The following SP100 variants were observed in gnomAD, a reference collection of about 807,000 sequenced individuals.
SP100 encodes the protein nuclear autoantigen Sp-100.
Under a neutral mutation model 130.0 loss-of-function variants are expected in SP100, and 84 were observed. The ratio of observed to expected loss-of-function variants is 0.65; its 90% CI spans 0.54 to 0.77. The LOEUF (loss-of-function observed/expected upper bound fraction) is 0.77. SP100 is among the 30% of genes least tolerant of loss of function. The pLI, the probability that SP100 is intolerant of heterozygous loss-of-function variation, is 0.00. For synonymous variants in SP100, 331 were observed against 351.7 expected, an observed-to-expected ratio of 0.94 and a Z score of 0.66; for missense variants, 978 against 1,052.2, an observed-to-expected ratio of 0.93 and a Z score of 0.97.
At position 230,417,777 on chromosome 2, in the gene SP100, T is replaced by C. The variant is rs2062652661; in HGVS notation, c.107+112T>C. 7.6e-6 allele frequency: 11 copies of C among 1,448,944 alleles called. No homozygotes were observed. The South Asian group carries it at 1.0e-4, about 14-fold the overall frequency. 89.8% of individuals were successfully genotyped at this position (1,448,944 alleles called of 1,614,324 possible). On this transcript the variant is annotated intron_variant, in intron 2 of 28. Coordinates refer to ENST00000340126, the MANE Select transcript of SP100 (RefSeq NM_001080391.2). Reference sequence around the variant, plus strand: ...TTAAATTCCCTCTTCTATAAATTGCTTGTTTGTTTTTTGCCAATATGATTC... The same window carrying C: ...TTAAATTCCCTCTTCTATAAATTGCCTGTTTGTTTTTTGCCAATATGATTC...
In SP100 at chr2:230,460,015, T is replaced by A. The variant is rs1452636496; in HGVS notation, c.821-1247T>A. 5.3e-5 allele frequency among the ~76,000 whole-genome samples: 8 copies of A among 152,168 alleles called. No homozygotes were observed. In the East Asian group the frequency reaches 1.5e-3, roughly 29 times the overall value. ...ACATTCCCACCACACTAAGCTTCCT[T>A]TACTTACTGGAATTTGCCAAGCTCT... is the stretch of plus-strand genomic sequence containing the variant. On this transcript the variant is annotated intron_variant, in intron 8 of 28. Coordinates refer to ENST00000340126, the MANE Select transcript of SP100 (RefSeq NM_001080391.2).
chr2:230,429,268 T>A (rs79652793), intron 2 of SP100, among the ~76,000 whole-genome samples: 1 of 152,152 alleles, frequency 6.6e-6, no homozygotes, highest in African/African-American at 2.4e-5. Context: ...ATTTTGAACA[T>A]ATCACCCTAA....
At chr2:230,447,673 G>A (rs1487061008) in intron 5 of SP100, among the ~76,000 whole-genome samples, 1 of 152,188 alleles carries the variant, frequency 6.6e-6, no homozygotes, top group Non-Finnish European at 1.5e-5. Context: ...GTGGGGAAGG[G>A]CACAGAGCTT....
At position 230,523,437 on chromosome 2, in the gene SP100, C is replaced by CA. The variant is rs887573820; in HGVS notation, c.2094+12272dup. ...ATTCCAGCACTTTGGGAGGCCAAGG[C>CA]AGGTGGATCACTTGAGTTTAGACGT... On this transcript the variant is annotated intron_variant, in intron 24 of 28. Transcript: ENST00000340126. Among the ~76,000 whole-genome samples the CA allele has an allele frequency of 2.6e-5, 4 of 152,280 alleles. No individual in the cohort carries two copies. The East Asian group carries it at 7.7e-4, about 29-fold the overall frequency.
At chr2:230,473,523 G>A (rs2065378789) in intron 16 of SP100, 83 bp downstream of exon 16, 1 of 772,278 alleles carries the variant, frequency 1.3e-6, no homozygotes, top group Non-Finnish European at 2.2e-6. Flanking sequence ...AGTGATCAGA[G>A]TTGAAGCAAA....
intron 2 of SP100, among the ~76,000 whole-genome samples, chr2:230,434,919 G>A (rs1013259236): frequency 6.6e-6 from 1 of 152,232 alleles, no homozygotes; most frequent in African/African-American, 2.4e-5. Context: ...CCTTTGAACA[G>A]TGTAAGGATC....
At chr2:230,419,330 C>A (rs1384384090) in intron 2 of SP100, among the ~76,000 whole-genome samples, 1 of 152,192 alleles carries the variant, frequency 6.6e-6, no homozygotes, top group Non-Finnish European at 1.5e-5. Flanking sequence ...CTCCATCCTG[C>A]CCAGGATGTG....
rs559512854 is a variant in SP100 at position 230,419,951 on chromosome 2, G to A, written c.107+2286G>A. 2.0e-4 allele frequency among the ~76,000 whole-genome samples: 31 copies of A among 152,170 alleles called. 1 individual carries two copies. In the South Asian group the frequency reaches 5.2e-3, roughly 25 times the overall value. On this transcript the variant is annotated intron_variant, in intron 2 of 28. Transcript: ENST00000340126. Reference sequence around the variant, plus strand: ...TGTTTTAGTTACTATGATTTTATAGGTAGTGTTCTGTAACCTACCTTACTG... The same window carrying A: ...TGTTTTAGTTACTATGATTTTATAGATAGTGTTCTGTAACCTACCTTACTG...
chr2:230,430,625 A>T (rs2063070102), intron 2 of SP100, among the ~76,000 whole-genome samples: 1 of 152,206 alleles, frequency 6.6e-6, no homozygotes, highest in Non-Finnish European at 1.5e-5. Context: ...CACAGTTCAG[A>T]AGTGTCACTG....
Position 230,466,349 on chromosome 2 carries a change from A to G in SP100, c.1190A>G (p.Lys397Arg), listed in dbSNP as rs771616605. ...TCTACATTCAGAGAAAGTTTTAAGA[A>G]AAGAGGTAAGAGAAAGCTTTAGGAA... ...KLSTFRESFK[K>R]RVIGQDHDFS... The change falls in exon 12 of 29, where the codon AAA becomes AGA. Residue 397 changes from lysine (K) to arginine (R), a missense_variant. Transcript: ENST00000340126. 4.5e-6 allele frequency: 7 copies of G among 1,542,382 alleles called. No homozygotes were observed. In the African/African-American group the frequency reaches 8.2e-5, roughly 18 times the overall value.
At chr2:230,506,249 G>C in intron 21 of SP100, 54 bp from the exon 22 acceptor site, 2 of 1,599,922 alleles carry the variant, frequency 1.3e-6, no homozygotes, top group Non-Finnish European at 1.7e-6. Flanking sequence ...ATGGGGGGAG[G>C]CCAAGTTCAG....
intron 10 of SP100, 34 bp downstream of exon 10, chr2:230,462,552 T>C: frequency 6.6e-7 from 1 of 1,504,114 alleles, no homozygotes; most frequent in East Asian, 2.3e-5. Context: ...GCTTGGGCTG[T>C]GGGAATCTGA....
chr2:230,448,588 A>T (rs1195043221), intron 5 of SP100, among the ~76,000 whole-genome samples: 1 of 152,236 alleles, frequency 6.6e-6, no homozygotes, highest in Non-Finnish European at 1.5e-5. Flanking sequence ...AAATATTTGC[A>T]GACAAAAAGA....
chr2:230,493,448 C>T (rs2066496783), intron 17 of SP100, among the ~76,000 whole-genome samples: 2 of 152,182 alleles, frequency 1.3e-5, no homozygotes, highest in Non-Finnish European at 1.5e-5. Flanking sequence ...AACTCCTGAG[C>T]TCAGGTGATC....
In SP100 at chr2:230,542,765, G is replaced by T. The variant is rs1692228106; in HGVS notation, c.2548-71G>T. ...TGGGATAACCTAAAATGAGGCCCCA[G>T]ATTATCTGCAACACTGGGTGTCTCA... On this transcript the variant is annotated intron_variant, in intron 28 of 28. Coordinates refer to ENST00000340126, the MANE Select transcript of SP100 (RefSeq NM_001080391.2). The T allele has an allele frequency of 9.4e-6, 8 of 847,972 alleles. No individual in the cohort carries two copies. In the South Asian group the frequency reaches 1.2e-4, roughly 13 times the overall value. The allele number at this position is 847,972 out of a possible 1,614,324, so 52.5% of individuals were successfully genotyped here.
chr2:230,429,147 G>A (rs570546696), intron 2 of SP100, among the ~76,000 whole-genome samples: 86 of 152,260 alleles, frequency 5.6e-4, no homozygotes, highest in Middle Eastern at 3.4e-3. Context: ...AGTGATGATG[G>A]ATTCCTTTAG....
At chr2:230,436,419 G>A (rs12694868) in intron 2 of SP100, among the ~76,000 whole-genome samples, 19,007 of 152,074 alleles carry the variant, frequency 0.12, 1,646 homozygotes, top group Non-Finnish European at 0.19. Context: ...ATTGAATCAT[G>A]GGGCAATTTC....
At chr2:230,487,355 A>G (rs1449620532) in intron 17 of SP100, among the ~76,000 whole-genome samples, 3 of 152,152 alleles carry the variant, frequency 2.0e-5, no homozygotes, top group African/African-American at 7.2e-5. Flanking sequence ...TGTGTAAGGC[A>G]TAAGCAAGGG....
chr2:230,455,171 C>A (rs2064209399), intron 8 of SP100, among the ~76,000 whole-genome samples: 1 of 152,078 alleles, frequency 6.6e-6, no homozygotes. Context: ...ACCTCCTGGG[C>A]TCAGGCAATC....
Sources: gnomAD v4.1 joint callset for allele counts (sites outside exome capture counted in the v4.1 genomes callset) on GRCh38, gnomAD v4.1.1 for gene constraint, MANE v1.5 for transcripts, NCBI Gene and HGNC (gene_info 2026-07-23, HGNC 2026-07-21) for gene names.